G2E3: variants seen among roughly 807,000 people sequenced by gnomAD.
The protein encoded by G2E3 is G2/M phase-specific E3 ubiquitin-protein ligase.
G2E3 carries 35 observed loss-of-function variants against 92.8 expected under a neutral mutation model. The observed-to-expected ratio is 0.38, with a 90% confidence interval of 0.29 to 0.50. The LOEUF is 0.50. G2E3 is among the 20% of genes least tolerant of loss of function. The pLI, the probability that G2E3 is intolerant of heterozygous loss-of-function variation, is 0.94. For synonymous variants in G2E3, 242 were observed against 272.4 expected (o/e 0.89, Z 1.10); for missense variants, 554 against 823.8 (o/e 0.67, Z 4.01).
At chr14:30,599,458 A>C (rs1357040365) in intron 8 of G2E3, among the ~76,000 whole-genome samples, 4 of 151,990 alleles carry the variant, frequency 2.6e-5, no homozygotes, top group African/African-American at 4.8e-5. Context: ...CAAATGCCTG[A>C]CCTCGTGATC....
intron 6 of G2E3, among the ~76,000 whole-genome samples, 156 bp from the exon 7 acceptor site, chr14:30,597,264 G>A (rs576367955): frequency 2.0e-5 from 3 of 152,066 alleles, no homozygotes; most frequent in African/African-American, 7.2e-5. Flanking sequence ...TTAGCAGTGG[G>A]ATAACTTAGT....
At chr14:30,579,115 G>C (rs577779943) in intron 1 of G2E3, among the ~76,000 whole-genome samples, 1 of 151,958 alleles carries the variant, frequency 6.6e-6, no homozygotes, top group Non-Finnish European at 1.5e-5. Flanking sequence ...CATCAAAAGC[G>C]CCATCGTATA....
At position 30,618,917 on chromosome 14, in the gene G2E3, C is replaced by T. The variant is rs1882439003; in HGVS notation, c.*2383C>T. ...TCTTTATAAATGTGTACATATATTT[C>T]TTAAATATTGCAATTGCCTAAATGT... On this transcript the variant is annotated 3_prime_UTR_variant, in exon 15 of 15. Transcript: ENST00000206595. 6.6e-6 allele frequency: 1 copy of T among 151,848 alleles called. No homozygotes were observed. The highest frequency in any genetic ancestry group is 2.1e-4 in the South Asian group (1 of 4,836). The allele number at this position is 151,848 out of a possible 1,614,324, so 9.4% of individuals were successfully genotyped here.
At chr14:30,586,396 G>A (rs1880715338) in intron 2 of G2E3, among the ~76,000 whole-genome samples, 1 of 152,150 alleles carries the variant, frequency 6.6e-6, no homozygotes. Context: ...AGATTGTACA[G>A]CTTCTAAAAA....
chr14:30,590,801 A>T, intron 4 of G2E3: 1 of 453,834 alleles, frequency 2.2e-6, no homozygotes, highest in Non-Finnish European at 4.4e-6. Flanking sequence ...CTTCCTGGTG[A>T]TAGTGAGCTT....
chr14:30,595,851 TG>T (rs1456519242), intron 6 of G2E3, among the ~76,000 whole-genome samples: 1 of 152,118 alleles, frequency 6.6e-6, no homozygotes, highest in African/African-American at 2.4e-5. Context: ...GACTAGAGAT[TG>T]CTATCAAAGA....
chr14:30,569,644 G>T (rs1384168100), intron 1 of G2E3, among the ~76,000 whole-genome samples: 1 of 152,174 alleles, frequency 6.6e-6, no homozygotes, highest in Non-Finnish European at 1.5e-5. Context: ...GGGTACTTTG[G>T]ATTGGGCTGG....
At chr14:30,576,220 C>A (rs1218654030) in intron 1 of G2E3, among the ~76,000 whole-genome samples, 1 of 152,158 alleles carries the variant, frequency 6.6e-6, no homozygotes, top group East Asian at 1.9e-4. Flanking sequence ...GGCCACACAT[C>A]TACAACCATC....
intron 2 of G2E3, among the ~76,000 whole-genome samples, chr14:30,582,407 G>A (rs898345214): frequency 2.0e-5 from 3 of 152,082 alleles, no homozygotes; most frequent in Admixed American, 1.3e-4. Flanking sequence ...AGTCTGTTCT[G>A]CATTCAAGGC....
intron 2 of G2E3, among the ~76,000 whole-genome samples, chr14:30,585,829 G>A (rs1368063438): frequency 3.3e-5 from 5 of 152,030 alleles, no homozygotes; most frequent in African/African-American, 1.2e-4. Context: ...AGGCTTGCAT[G>A]AGCCTAAACA....
chr14:30,560,682 G>T, intron 1 of G2E3: 3 of 630,606 alleles, frequency 4.8e-6, no homozygotes, highest in South Asian at 1.8e-5. Context: ...ATTTTCATTG[G>T]ATTTTTGCTC....
chr14:30,616,373 G>C lies in G2E3; in HGVS notation c.1960G>C (p.Glu654Gln). 1.2e-6 allele frequency: 2 copies of C among 1,612,568 alleles called. No homozygotes were observed. Among genetic ancestry groups the C allele is most frequent in the Non-Finnish European group, 1.7e-6 (2 of 1,178,856 alleles). Residue 654 changes from glutamate (E) to glutamine (Q), a missense_variant, in exon 15 of 15, where the codon GAG (glutamate) becomes CAG (glutamine). By Grantham distance (29) the Glu-to-Gln change is conservative. Coordinates refer to ENST00000206595, the MANE Select transcript of G2E3 (RefSeq NM_017769.5). ...PAGFKPTPSI[E>Q]CLHVDFPVGN... ...TGGATTTAAACCCACTCCTTCAATT[G>C]AGTGTCTGCATGTGGATTTTCCTGT...
chr14:30,585,717 T>C (rs1027087691), intron 2 of G2E3, among the ~76,000 whole-genome samples: 2 of 152,070 alleles, frequency 1.3e-5, no homozygotes, highest in African/African-American at 4.8e-5. Flanking sequence ...TAATCTTTAT[T>C]TTTTTGTTTC....
intron 11 of G2E3, among the ~76,000 whole-genome samples, chr14:30,606,875 G>T (rs1005577983): frequency 6.6e-6 from 1 of 152,090 alleles, no homozygotes; most frequent in Non-Finnish European, 1.5e-5. Flanking sequence ...TGACAGTAAG[G>T]TAAGACAGCA....
At chr14:30,584,246 G>A (rs1289913671) in intron 2 of G2E3, among the ~76,000 whole-genome samples, 1 of 152,114 alleles carries the variant, frequency 6.6e-6, no homozygotes, top group Non-Finnish European at 1.5e-5. Context: ...CATCATATGG[G>A]CATACCATAT....
At chr14:30,567,292 G>A (rs1267000173) in intron 1 of G2E3, among the ~76,000 whole-genome samples, 1 of 152,068 alleles carries the variant, frequency 6.6e-6, no homozygotes, top group Non-Finnish European at 1.5e-5. Flanking sequence ...GAACCCATCT[G>A]GGCTAGGACT....
intron 10 of G2E3, among the ~76,000 whole-genome samples, chr14:30,605,051 G>A (rs1468569520): frequency 2.6e-5 from 4 of 152,194 alleles, no homozygotes; most frequent in East Asian, 1.9e-4. Flanking sequence ...CATACGCCAC[G>A]ACGCCCAGCT....
intron 13 of G2E3, among the ~76,000 whole-genome samples, chr14:30,614,790 A>T (rs764647673): frequency 6.6e-6 from 1 of 152,130 alleles, no homozygotes. Flanking sequence ...TGTTACTTGC[A>T]TTTCTTTTGT....
intron 12 of G2E3, among the ~76,000 whole-genome samples, chr14:30,608,981 C>CA (rs199858242): frequency 4.3e-4 from 65 of 150,574 alleles, no homozygotes; most frequent in Middle Eastern, 3.4e-3. Context: ...GACACTGTCT[C>CA]AAAAAAAAAG....
Sources: allele counts gnomAD v4.1 joint callset (sites outside exome capture counted in the v4.1 genomes callset), GRCh38; gene constraint gnomAD v4.1.1; transcripts MANE v1.5; gene names NCBI Gene and HGNC (gene_info 2026-07-23, HGNC 2026-07-21).